SLC16A7: variants seen among roughly 807,000 people sequenced by gnomAD.
SLC16A7 encodes solute carrier family 16 member 7.
A neutral mutation model predicts 34.9 loss-of-function variants in SLC16A7; 33 were observed. That is an observed-to-expected ratio of 0.94 (90% confidence interval 0.72 to 1.26). SLC16A7 has a LOEUF of 1.26. Among genes scored for constraint, SLC16A7 ranks in the 50% most tolerant of loss-of-function variants. SLC16A7 has a pLI of 0.00. For missense variants in SLC16A7, 573 were observed against 578.1 expected (o/e 0.99, Z 0.09); for synonymous variants, 201 against 206.6 (o/e 0.97, Z 0.23).
intron 2 of SLC16A7, among the ~76,000 whole-genome samples, chr12:59,691,511 G>A (rs1268920540): frequency 6.6e-6 from 1 of 151,996 alleles, no homozygotes; most frequent in Non-Finnish European, 1.5e-5. Flanking sequence ...CACCATGGGT[G>A]GGGAAGAGGG....
chr12:59,778,678 C>CTGAT (rs1357888933), intron 5 of SLC16A7, among the ~76,000 whole-genome samples: 1 of 144,920 alleles, frequency 6.9e-6, no homozygotes, highest in African/African-American at 2.5e-5. Context: ...AGTTTTTTTA[C>CTGAT]TGATTAGTTT....
intron 2 of SLC16A7, among the ~76,000 whole-genome samples, chr12:59,676,777 A>G (rs1870349812): frequency 6.6e-6 from 1 of 152,164 alleles, no homozygotes; most frequent in Non-Finnish European, 1.5e-5. Context: ...AGGTAAAGGG[A>G]CATATTTTTA....
At chr12:59,667,916 C>A (rs965956827) in intron 2 of SLC16A7, among the ~76,000 whole-genome samples, 4 of 152,188 alleles carry the variant, frequency 2.6e-5, no homozygotes, top group African/African-American at 9.7e-5. Context: ...CTAAAACGGG[C>A]CAAGGTATAG....
intron 2 of SLC16A7, among the ~76,000 whole-genome samples, chr12:59,658,231 G>T (rs1868638822): frequency 6.6e-6 from 1 of 151,936 alleles, no homozygotes; most frequent in Admixed American, 6.6e-5. Context: ...GTGCTTTTCA[G>T]TCAATTCCTT....
chr12:59,704,696 T>G (rs1485150530), intron 2 of SLC16A7, 76 bp from the exon 3 acceptor site: 1 of 700,166 alleles, frequency 1.4e-6, no homozygotes, highest in Non-Finnish European at 2.4e-6. Flanking sequence ...TGGAAAGTAC[T>G]ATTTTAGTGA....
At chr12:59,688,415 T>C (rs1438082042) in intron 2 of SLC16A7, among the ~76,000 whole-genome samples, 1 of 152,120 alleles carries the variant, frequency 6.6e-6, no homozygotes, top group Non-Finnish European at 1.5e-5. Context: ...AGACGAATAC[T>C]GCGGTAGACT....
At position 59,786,047 on chromosome 12, in the gene SLC16A7, AG is replaced by A. The variant is rs533497811; in HGVS notation, c.*6374del. 1 of 58,016 alleles carries A rather than the reference AG, an allele frequency of 1.7e-5. No homozygotes were observed. The highest frequency in any genetic ancestry group is 5.3e-4 in the East Asian group (1 of 1,882). 3.6% of individuals were successfully genotyped at this position (58,016 alleles called of 1,614,324 possible). ...CTGGGGACTGTGGTGGGGTCGGGGG[AG>A]GGGGGAGGGATAGCATTGGGAGATA... On this transcript the variant is annotated 3_prime_UTR_variant, in exon 6 of 6. Transcript: ENST00000547379.
chr12:59,692,843 C>T (rs1188238928), intron 2 of SLC16A7, among the ~76,000 whole-genome samples: 4 of 151,992 alleles, frequency 2.6e-5, no homozygotes, highest in South Asian at 4.2e-4. Context: ...AGAGATGGTT[C>T]ACTCTGAAGA....
chr12:59,646,357 G>A (rs1479293769), intron 1 of SLC16A7, among the ~76,000 whole-genome samples: 1 of 152,182 alleles, frequency 6.6e-6, no homozygotes, highest in Non-Finnish European at 1.5e-5. Flanking sequence ...GCTAAAACGG[G>A]CCAAGGTACA....
intron 1 of SLC16A7, among the ~76,000 whole-genome samples, chr12:59,623,621 T>A (rs1353423478): frequency 6.6e-6 from 1 of 151,762 alleles, no homozygotes; most frequent in Non-Finnish European, 1.5e-5. Context: ...TGATGTTTTA[T>A]CTATCAAACT....
chr12:59,682,105 A>C (rs915985493), intron 2 of SLC16A7, among the ~76,000 whole-genome samples: 1 of 152,232 alleles, frequency 6.6e-6, no homozygotes, highest in Non-Finnish European at 1.5e-5. Flanking sequence ...ACCTAGCTGT[A>C]CTTAGTACTT....
At chr12:59,643,308 T>G (rs1880766405) in intron 1 of SLC16A7, among the ~76,000 whole-genome samples, 2 of 152,166 alleles carry the variant, frequency 1.3e-5, no homozygotes, top group African/African-American at 4.8e-5. Flanking sequence ...TACACTACTC[T>G]GCACTATGAC....
intron 3 of SLC16A7, among the ~76,000 whole-genome samples, chr12:59,767,398 A>G (rs1341624866): frequency 6.6e-6 from 1 of 151,980 alleles, no homozygotes; most frequent in Non-Finnish European, 1.5e-5. Context: ...TAGGACTTTC[A>G]TTGGTAGATA....
intron 3 of SLC16A7, among the ~76,000 whole-genome samples, chr12:59,724,829 A>C (rs1876042621): frequency 6.6e-6 from 1 of 151,966 alleles, no homozygotes; most frequent in African/African-American, 2.4e-5. Context: ...ATGTATATGG[A>C]ATTTCTGCAT....
chr12:59,713,689 G>T (rs1874528911), intron 3 of SLC16A7, among the ~76,000 whole-genome samples: 1 of 152,154 alleles, frequency 6.6e-6, no homozygotes, highest in African/African-American at 2.4e-5. Flanking sequence ...TTGACCCTAA[G>T]GGGACGCCCT....
At chr12:59,723,101 T>C (rs1875804315) in intron 3 of SLC16A7, among the ~76,000 whole-genome samples, 1 of 152,014 alleles carries the variant, frequency 6.6e-6, no homozygotes, top group South Asian at 2.1e-4. Context: ...TTTTTTTTCC[T>C]TCTGCTTTGT....
intron 1 of SLC16A7, among the ~76,000 whole-genome samples, chr12:59,603,543 A>G (rs1878789733): frequency 6.6e-6 from 1 of 152,180 alleles, no homozygotes; most frequent in Non-Finnish European, 1.5e-5. Context: ...TAAACACCAC[A>G]TACAAATTTT....
chr12:59,773,390 C>A (rs1164258000), intron 4 of SLC16A7, among the ~76,000 whole-genome samples: 1 of 151,966 alleles, frequency 6.6e-6, no homozygotes, highest in Non-Finnish European at 1.5e-5. Context: ...TGTACACAGA[C>A]CTGTGTATTT....
chr12:59,631,874 C>G (rs542606658), intron 1 of SLC16A7, among the ~76,000 whole-genome samples: 1 of 152,036 alleles, frequency 6.6e-6, no homozygotes, highest in Non-Finnish European at 1.5e-5. Flanking sequence ...AAGCATGGTT[C>G]ATGCCCATAA....
Sources: allele counts gnomAD v4.1 joint callset (sites outside exome capture counted in the v4.1 genomes callset), GRCh38; gene constraint gnomAD v4.1.1; transcripts MANE v1.5; gene names NCBI Gene and HGNC (gene_info 2026-07-23, HGNC 2026-07-21).